Variants in CDC73 observed in about 807,000 individuals in gnomAD.
CDC73 encodes cell division cycle 73, also known as parafibromin.
CDC73 carries 21 observed loss-of-function variants against 83.7 expected under a neutral mutation model. That is an observed-to-expected ratio of 0.25 (90% confidence interval 0.18 to 0.36). The LOEUF (loss-of-function observed/expected upper bound fraction) is 0.36, where lower values mean the gene tolerates loss of function less well. Ranked by LOEUF, CDC73 falls within the 10% of genes least tolerant of loss-of-function variation. The pLI is 1.00. For synonymous variants in CDC73, 224 were observed against 212.9 expected (o/e 1.05, Z -0.45); for missense variants, 342 against 653.3 (o/e 0.52, Z 5.19).
At chr1:193,201,474 G>A (rs921536625) in intron 10 of CDC73, among the ~76,000 whole-genome samples, 1 of 152,104 alleles carries the variant, frequency 6.6e-6, no homozygotes, top group African/African-American at 2.4e-5. Flanking sequence ...TTATTTCCTT[G>A]TAGCTAGTGG....
chr1:193,249,448 A>G (rs1396250861), intron 15 of CDC73, among the ~76,000 whole-genome samples: 1 of 151,998 alleles, frequency 6.6e-6, no homozygotes, highest in African/African-American at 2.4e-5. Flanking sequence ...AACTGAACCC[A>G]CAATATCTCC....
intron 15 of CDC73, among the ~76,000 whole-genome samples, chr1:193,241,185 C>T (rs540213875): frequency 3.3e-5 from 5 of 152,188 alleles, no homozygotes; most frequent in Admixed American, 1.3e-4. Flanking sequence ...GACTTTTCCC[C>T]GAAGATGTAC....
At chr1:193,136,587 C>G (rs745717075) in intron 5 of CDC73, 2 of 213,442 alleles carry the variant, frequency 9.4e-6, no homozygotes, top group East Asian at 1.1e-4. Flanking sequence ...CGAATAGGCT[C>G]AGACAGAGTG....
At chr1:193,192,092 A>G (rs1191811820) in intron 10 of CDC73, among the ~76,000 whole-genome samples, 1 of 152,220 alleles carries the variant, frequency 6.6e-6, no homozygotes, top group Non-Finnish European at 1.5e-5. Flanking sequence ...ACCCTAATAT[A>G]AATTATTAGT....
chr1:193,158,629 G>A (rs186795681), intron 10 of CDC73, among the ~76,000 whole-genome samples: 15 of 152,120 alleles, frequency 9.9e-5, no homozygotes, highest in Non-Finnish European at 1.9e-4. Flanking sequence ...TCTGTGTTTA[G>A]ACTGGCATAT....
rs964696373 is a variant in CDC73, at chr1:193,141,722, C to T, written c.513-128C>T. On this transcript the variant is annotated intron_variant, in intron 6 of 16. Coordinates refer to ENST00000367435, the MANE Select transcript of CDC73 (RefSeq NM_024529.5). ...ATTGCAGAATAGCAAGTCAGTCTTACAGATAAGAAAACCTTAATTATTGCC... is the reference window on the plus strand; with the variant it reads ...ATTGCAGAATAGCAAGTCAGTCTTATAGATAAGAAAACCTTAATTATTGCC... The T allele has an allele frequency of 5.9e-6, 4 of 676,576 alleles. No homozygotes were observed. The Admixed American group carries it at 9.7e-5, about 16-fold the overall frequency. The allele number at this position is 676,576 out of a possible 1,614,324, so 41.9% of individuals were successfully genotyped here.
Position 193,171,333 on chromosome 1 carries a change from C to A in CDC73, c.972+18889C>A, listed in dbSNP as rs1042057615. Reference sequence around the variant, plus strand: ...CTGTAAATCCAAGGTTCAGGTATATCGTGGCTTAGGGAGAGGCCTCCACTT... The same window carrying A: ...CTGTAAATCCAAGGTTCAGGTATATAGTGGCTTAGGGAGAGGCCTCCACTT... On this transcript the variant is annotated intron_variant, in intron 10 of 16. Transcript: ENST00000367435. Among the ~76,000 whole-genome samples the A allele has an allele frequency of 2.6e-5, 4 of 152,136 alleles. No individual in the cohort carries two copies. The South Asian group carries it at 8.3e-4, about 32-fold the overall frequency.
chr1:193,177,903 C>G (rs77213274), intron 10 of CDC73, among the ~76,000 whole-genome samples: 1 of 152,116 alleles, frequency 6.6e-6, no homozygotes, highest in African/African-American at 2.4e-5. Flanking sequence ...AATAAGTATT[C>G]TAAGTATTGA....
intron 10 of CDC73, among the ~76,000 whole-genome samples, chr1:193,166,994 T>C (rs1366376853): frequency 6.6e-6 from 1 of 152,198 alleles, no homozygotes; most frequent in Non-Finnish European, 1.5e-5. Flanking sequence ...TAGTGTTCTC[T>C]ATGACCAAAA....
intron 10 of CDC73, among the ~76,000 whole-genome samples, chr1:193,188,451 T>G (rs1174680752): frequency 6.6e-6 from 1 of 152,172 alleles, no homozygotes; most frequent in East Asian, 1.9e-4. Context: ...GGGATTTTTT[T>G]TTTTTCTGAA....
intron 10 of CDC73, among the ~76,000 whole-genome samples, chr1:193,166,798 C>T (rs1676442549): frequency 6.6e-6 from 1 of 152,070 alleles, no homozygotes; most frequent in Non-Finnish European, 1.5e-5. Context: ...CAGTTATGCG[C>T]CACCACGCCC....
At chr1:193,248,347 G>A (rs1325806795) in intron 15 of CDC73, among the ~76,000 whole-genome samples, 6 of 152,076 alleles carry the variant, frequency 3.9e-5, no homozygotes, top group African/African-American at 9.7e-5. Context: ...CAAAATATTA[G>A]TGCTGATTGA....
chr1:193,239,925 TA>T (rs1243887896), intron 15 of CDC73, among the ~76,000 whole-genome samples: 1 of 152,090 alleles, frequency 6.6e-6, no homozygotes, highest in African/African-American at 2.4e-5. Context: ...AGTTAGAAAT[TA>T]AAAAAAGAAT....
At chr1:193,160,677 T>C (rs1676294182) in intron 10 of CDC73, among the ~76,000 whole-genome samples, 2 of 152,130 alleles carry the variant, frequency 1.3e-5, no homozygotes, top group Non-Finnish European at 2.9e-5. Flanking sequence ...TATTTTTAGA[T>C]TAACCACTGT....
In CDC73 at chr1:193,125,125, G is replaced by T. The variant is rs200806263; in HGVS notation, c.145G>T (p.Gly49Cys). Residue 49 changes from glycine (G) to cysteine (C), a missense_variant, in exon 2 of 17, where the codon GGC (glycine) becomes TGC (cysteine). By Grantham distance (159) the Gly-to-Cys change is radical (BLOSUM62 -3). This residue lies in a region of CDC73 where 99 missense variants were observed against 174.5 expected (regional missense o/e 0.57). Coordinates refer to ENST00000367435, the MANE Select transcript of CDC73 (RefSeq NM_024529.5). ...NYVVWGTGKE[G>C]QPREYYTLDS... is the part of the protein sequence containing the mutation. The stretch of plus-strand genomic sequence containing the variant: ...TAATTATTTCAGGACTGGAAAGGAA[G>T]GCCAACCCAGAGAGTACTACACATT... The T allele has an allele frequency of 6.3e-7, 1 of 1,591,662 alleles. No homozygotes were observed. The highest frequency in any genetic ancestry group is 8.6e-7 in the Non-Finnish European group (1 of 1,159,482).
At chr1:193,248,088 C>T (rs1299335079) in intron 15 of CDC73, among the ~76,000 whole-genome samples, 1 of 152,054 alleles carries the variant, frequency 6.6e-6, no homozygotes, top group Non-Finnish European at 1.5e-5. Flanking sequence ...TGTGCTTTGG[C>T]TCCAAAACTT....
chr1:193,239,899 T>G (rs989332577), intron 15 of CDC73, among the ~76,000 whole-genome samples: 1 of 152,208 alleles, frequency 6.6e-6, no homozygotes, highest in East Asian at 1.9e-4. Flanking sequence ...CCTGCACATG[T>G]ACCCCAGAAC....
chr1:193,215,315 T>C (rs1216275888), intron 13 of CDC73, among the ~76,000 whole-genome samples: 2 of 152,194 alleles, frequency 1.3e-5, no homozygotes, highest in Non-Finnish European at 2.9e-5. Flanking sequence ...AAAAATGATA[T>C]ACAGTATATC....
intron 9 of CDC73, 113 bp downstream of exon 9, chr1:193,150,495 C>A: frequency 1.4e-6 from 1 of 735,776 alleles, no homozygotes; most frequent in Non-Finnish European, 2.4e-6. Flanking sequence ...CAGACCAGAT[C>A]TTACCCACTG....
Sources: gnomAD v4.1 joint callset for allele counts (sites outside exome capture counted in the v4.1 genomes callset) on GRCh38, gnomAD v4.1.1 for gene constraint, gnomAD v4.1.1 regional missense constraint, MANE v1.5 for transcripts, NCBI Gene and HGNC (gene_info 2026-07-23, HGNC 2026-07-21) for gene names.